The following FRMD4B variants were observed in gnomAD, a reference collection of about 807,000 sequenced individuals.
FRMD4B encodes the protein FERM domain containing 4B.
In FRMD4B, 74 loss-of-function variants were observed where a neutral mutation model predicts 141.5. That is an observed-to-expected ratio of 0.52 (90% CI 0.43 to 0.63). The LOEUF (loss-of-function observed/expected upper bound fraction) is 0.63, where lower values mean the gene tolerates loss of function less well. Ranked by LOEUF, FRMD4B falls within the 30% of genes least tolerant of loss-of-function variation. The pLI, the probability that FRMD4B is intolerant of heterozygous loss-of-function variation, is 0.00. For synonymous variants in FRMD4B, 506 were observed against 467.9 expected, an observed-to-expected ratio of 1.08 and a Z score of -1.05; for missense variants, 1,366 against 1,253.4, an observed-to-expected ratio of 1.09 and a Z score of -1.36.
At chr3:69,399,729 T>G (rs1262413485) in intron 2 of FRMD4B, among the ~76,000 whole-genome samples, 1 of 152,206 alleles carries the variant, frequency 6.6e-6, no homozygotes, top group East Asian at 1.9e-4. Context: ...GCCTTAGCTT[T>G]AATGTTGATC....
chr3:69,205,358 T>C (rs1010752217), intron 11 of FRMD4B, among the ~76,000 whole-genome samples: 4 of 151,826 alleles, frequency 2.6e-5, no homozygotes, highest in African/African-American at 9.7e-5. Context: ...TCATTGGGGG[T>C]ATTTCACTGG....
chr3:69,228,557 G>A (rs1329709187), intron 7 of FRMD4B: 2 of 432,192 alleles, frequency 4.6e-6, no homozygotes, highest in Non-Finnish European at 9.3e-6. Flanking sequence ...AGAGCTCGCT[G>A]GGCATGGTGG....
chr3:69,216,870 T>C (rs1435917148), intron 10 of FRMD4B, among the ~76,000 whole-genome samples: 1 of 152,158 alleles, frequency 6.6e-6, no homozygotes, highest in African/African-American at 2.4e-5. Flanking sequence ...TCCAGGACTG[T>C]TAATACCATC....
chr3:69,530,581 C>T (rs1457513844), intron 1 of FRMD4B, among the ~76,000 whole-genome samples: 1 of 151,598 alleles, frequency 6.6e-6, no homozygotes, highest in Non-Finnish European at 1.5e-5. Context: ...ATAAATTACC[C>T]AGCCTCAGGT....
At chr3:69,191,184 C>T (rs990457390) in intron 17 of FRMD4B, among the ~76,000 whole-genome samples, 1 of 152,138 alleles carries the variant, frequency 6.6e-6, no homozygotes, top group Non-Finnish European at 1.5e-5. Context: ...TTCGAGAGGC[C>T]GAGGTTGGTG....
intron 1 of FRMD4B, among the ~76,000 whole-genome samples, chr3:69,352,298 CT>C (rs1703176177): frequency 6.6e-6 from 1 of 152,138 alleles, no homozygotes; most frequent in Non-Finnish European, 1.5e-5. Context: ...GATTATATTC[CT>C]TTTCACTCCT....
chr3:69,365,404 A>G (rs971672870), intron 1 of FRMD4B, among the ~76,000 whole-genome samples: 1 of 152,208 alleles, frequency 6.6e-6, no homozygotes, highest in Non-Finnish European at 1.5e-5. Flanking sequence ...TAAAATGTAC[A>G]TTTTTGGCCA....
At chr3:69,362,783 C>T (rs1703508610) in intron 1 of FRMD4B, among the ~76,000 whole-genome samples, 1 of 151,048 alleles carries the variant, frequency 6.6e-6, no homozygotes, top group Non-Finnish European at 1.5e-5. Context: ...AAATAAAGAA[C>T]TGTGAATTTT....
chr3:69,221,058 GT>G (rs1559728905), intron 9 of FRMD4B, among the ~76,000 whole-genome samples: 1 of 151,934 alleles, frequency 6.6e-6, no homozygotes, highest in Non-Finnish European at 1.5e-5. Flanking sequence ...CGCCTCCCTG[GT>G]TTAAGCAATT....
At chr3:69,482,216 G>T (rs1706135332) in intron 1 of FRMD4B, among the ~76,000 whole-genome samples, 1 of 152,100 alleles carries the variant, frequency 6.6e-6, no homozygotes, top group East Asian at 1.9e-4. Context: ...TCTTTAAGGG[G>T]TAGGGAGTAG....
intron 1 of FRMD4B, among the ~76,000 whole-genome samples, chr3:69,441,215 AT>A (rs1210929122): frequency 6.6e-6 from 1 of 152,106 alleles, no homozygotes; most frequent in African/African-American, 2.4e-5. Context: ...CTTTTATTGT[AT>A]GTTCTGTTAG....
chr3:69,284,842 A>C (rs906946682), intron 5 of FRMD4B, among the ~76,000 whole-genome samples: 18 of 152,234 alleles, frequency 1.2e-4, no homozygotes, highest in African/African-American at 4.3e-4. Flanking sequence ...AGATGTAAAA[A>C]GGATCCAAAT....
chr3:69,514,547 A>G (rs1031226468), intron 1 of FRMD4B, among the ~76,000 whole-genome samples: 1 of 151,944 alleles, frequency 6.6e-6, no homozygotes, highest in African/African-American at 2.4e-5. Flanking sequence ...ACTTAGCCAG[A>G]CGTGGTGGTG....
chr3:69,383,399 A>G (rs1704168870), intron 1 of FRMD4B, among the ~76,000 whole-genome samples: 1 of 152,228 alleles, frequency 6.6e-6, no homozygotes, highest in Admixed American at 6.5e-5. Context: ...GGAAATATTA[A>G]ACTTAGAGAT....
At chr3:69,468,213 A>G (rs935425946) in intron 1 of FRMD4B, among the ~76,000 whole-genome samples, 9 of 131,060 alleles carry the variant, frequency 6.9e-5, no homozygotes, top group Middle Eastern at 3.8e-3. Context: ...AGAGAAAAAA[A>G]GTATCACGGA....
At chr3:69,530,652 G>C (rs1700998032) in intron 1 of FRMD4B, among the ~76,000 whole-genome samples, 1 of 152,014 alleles carries the variant, frequency 6.6e-6, no homozygotes, top group South Asian at 2.1e-4. Context: ...CCACAGAAAA[G>C]GTCTGCCAAC....
chr3:69,245,345 G>GTTTTTTT (rs1363513277), intron 7 of FRMD4B, among the ~76,000 whole-genome samples: 1 of 150,760 alleles, frequency 6.6e-6, no homozygotes, highest in African/African-American at 2.5e-5. Flanking sequence ...GTGTGTGTGT[G>GTTTTTTT]TGTGTGTGTT....
At chr3:69,458,294 C>T (rs947209913) in intron 1 of FRMD4B, among the ~76,000 whole-genome samples, 2 of 151,952 alleles carry the variant, frequency 1.3e-5, no homozygotes, top group East Asian at 1.9e-4. Flanking sequence ...GCTGGGTATA[C>T]GATGGTGAAC....
At chr3:69,330,529 T>C (rs1702332768) in intron 1 of FRMD4B, among the ~76,000 whole-genome samples, 1 of 151,768 alleles carries the variant, frequency 6.6e-6, no homozygotes, top group African/African-American at 2.4e-5. Flanking sequence ...GTATTTTTAG[T>C]AGAGACAGGG....
Sources: allele counts gnomAD v4.1 joint callset (sites outside exome capture counted in the v4.1 genomes callset), GRCh38; gene constraint gnomAD v4.1.1; transcripts MANE v1.5; gene names NCBI Gene and HGNC (gene_info 2026-07-23, HGNC 2026-07-21).